The following MBP variants were observed in gnomAD, a reference collection of about 807,000 sequenced individuals.
The protein encoded by MBP is myelin basic protein, also known as Golli-MBP.
MBP carries 16 observed loss-of-function variants against 35.8 expected under a neutral mutation model. The ratio of observed to expected loss-of-function variants is 0.45; its 90% CI spans 0.30 to 0.68. The LOEUF (loss-of-function observed/expected upper bound fraction) is 0.68. MBP is among the 30% of genes least tolerant of loss of function. The pLI is 0.08. For missense variants in MBP, 380 were observed against 404.7 expected, an observed-to-expected ratio of 0.94 and a Z score of 0.52; for synonymous variants, 143 against 159.6, an observed-to-expected ratio of 0.90 and a Z score of 0.78.
At chr18:76,991,484 C>G (rs895061406) in intron 4 of MBP, among the ~76,000 whole-genome samples, 2 of 152,160 alleles carry the variant, frequency 1.3e-5, no homozygotes, top group African/African-American at 4.8e-5. Context: ...ATTGTCTGCT[C>G]GGCTCTCAGC....
At chr18:77,091,659 C>CACACATGCGTGAACACACATGT (rs1975529988) in intron 2 of MBP, among the ~76,000 whole-genome samples, 2 of 151,616 alleles carry the variant, frequency 1.3e-5, no homozygotes, top group African/African-American at 4.8e-5. Context: ...AACACACATG[C>CACACATGCGTGAACACACATGT]ACACATGCGT....
intron 2 of MBP, among the ~76,000 whole-genome samples, chr18:77,066,983 G>A (rs1032873465): frequency 6.6e-6 from 1 of 152,248 alleles, no homozygotes; most frequent in Non-Finnish European, 1.5e-5. Flanking sequence ...CCCTTTGCCT[G>A]TCGTTTGGGG....
chr18:77,009,848 C>T (rs944854491), intron 4 of MBP: 25 of 1,583,480 alleles, frequency 1.6e-5, no homozygotes, highest in Non-Finnish European at 1.9e-5. Context: ...CGGCGTCTTA[C>T]CTTGTACATG....
intron 3 of MBP, among the ~76,000 whole-genome samples, chr18:77,025,290 G>A (rs758767805): frequency 3.3e-5 from 5 of 152,124 alleles, no homozygotes; most frequent in African/African-American, 7.2e-5. Context: ...GATGGCTGAC[G>A]CATCTGTGGC....
chr18:76,989,054 C>T lies in MBP; in HGVS notation c.682-142G>A. ...GGTGCCCAGCCTCCCCACTTCTGTC[C>T]TAGTTGGTGAAGAAGTATAGACCTG... On this transcript the variant is annotated intron_variant, in intron 5 of 8. Coordinates refer to ENST00000355994, the MANE Select transcript of MBP (RefSeq NM_001025101.2). The surrounding 1 kb of genome is among the most constrained non-coding windows in gnomAD (Gnocchi z 4.0). The T allele has an allele frequency of 1.3e-6, 1 of 785,036 alleles. No individual in the cohort carries two copies. Among genetic ancestry groups the T allele is most frequent in the East Asian group, 2.4e-5 (1 of 41,076 alleles). The allele number at this position is 785,036 out of a possible 1,614,324, so 48.6% of individuals were successfully genotyped here. A position where few individuals can be genotyped will look rare whatever the true frequency, so the allele number is the denominator to read the frequency against.
At chr18:77,009,943 A>C in intron 4 of MBP, 1 of 1,563,686 alleles carries the variant, frequency 6.4e-7, no homozygotes, top group Non-Finnish European at 8.7e-7. Context: ...GGGGACACAG[A>C]GTGGGCTGCG....
At chr18:76,990,663 G>A (rs1350642611) in intron 4 of MBP, among the ~76,000 whole-genome samples, 1 of 152,190 alleles carries the variant, frequency 6.6e-6, no homozygotes. Context: ...GTTCAGTCAA[G>A]GAGAGTGTCT....
intron 4 of MBP, among the ~76,000 whole-genome samples, chr18:76,992,989 G>A (rs1289146657): frequency 6.6e-6 from 1 of 152,166 alleles, no homozygotes; most frequent in Non-Finnish European, 1.5e-5. Context: ...ACCTCCGCAG[G>A]GCCCAGGGCA....
At chr18:77,007,525 C>T (rs960515956) in intron 4 of MBP, among the ~76,000 whole-genome samples, 1 of 152,226 alleles carries the variant, frequency 6.6e-6, no homozygotes, top group Non-Finnish European at 1.5e-5. Context: ...GGAGGGTTCT[C>T]TGTCCATTAA....
chr18:77,092,294 G>A (rs1789084), intron 2 of MBP, among the ~76,000 whole-genome samples: 62,567 of 151,834 alleles, frequency 0.41, 14,607 homozygotes, highest in African/African-American at 0.64. Flanking sequence ...CCCTCCCTCT[G>A]TCCCTCGCGG....
chr18:77,105,186 T>C (rs1415184995), intron 2 of MBP, 25 bp downstream of exon 2: 5 of 1,610,880 alleles, frequency 3.1e-6, no homozygotes. Context: ...AACATGCACA[T>C]GTTTCGGATC....
At chr18:77,099,000 TC>T (rs1393128796) in intron 2 of MBP, among the ~76,000 whole-genome samples, 4 of 140,374 alleles carry the variant, frequency 2.8e-5, no homozygotes, top group African/African-American at 1.1e-4. Flanking sequence ...CTCTCCATCC[TC>T]CCCGTCATCC....
intron 1 of MBP, among the ~76,000 whole-genome samples, chr18:77,120,272 C>T (rs1393330111): frequency 6.6e-6 from 1 of 152,234 alleles, no homozygotes; most frequent in African/African-American, 2.4e-5. Flanking sequence ...ATCTGGTCAG[C>T]CCTCGCGGCA....
chr18:77,118,645 ACCAC>A (rs1976781007), intron 1 of MBP, among the ~76,000 whole-genome samples: 1 of 113,024 alleles, frequency 8.8e-6, no homozygotes, highest in East Asian at 3.7e-4. Flanking sequence ...CACACTACAC[ACCAC>A]ACACACACAC....
chr18:77,028,001 TA>T (rs1474480791), intron 3 of MBP, among the ~76,000 whole-genome samples: 12 of 150,868 alleles, frequency 8.0e-5, no homozygotes, highest in African/African-American at 2.7e-4. Context: ...TTTATTTATT[TA>T]TTTTTTTATT....
intron 2 of MBP, among the ~76,000 whole-genome samples, chr18:77,078,108 C>T (rs1275158809): frequency 6.6e-6 from 1 of 152,214 alleles, no homozygotes; most frequent in African/African-American, 2.4e-5. Flanking sequence ...GTGGAAGATG[C>T]ATTTTCATGG....
At chr18:77,097,742 C>T (rs906262218) in intron 2 of MBP, among the ~76,000 whole-genome samples, 1 of 152,058 alleles carries the variant, frequency 6.6e-6, no homozygotes, top group African/African-American at 2.4e-5. Context: ...AATCGCTCTG[C>T]GAGTTACATT....
intron 2 of MBP, among the ~76,000 whole-genome samples, chr18:77,104,107 G>C (rs1976159956): frequency 6.6e-6 from 1 of 152,256 alleles, no homozygotes; most frequent in Non-Finnish European, 1.5e-5. Flanking sequence ...AGAAGGGCTG[G>C]AGCCAGAGGC....
At chr18:77,089,022 A>C (rs941269116) in intron 2 of MBP, among the ~76,000 whole-genome samples, 6 of 152,346 alleles carry the variant, frequency 3.9e-5, no homozygotes, top group South Asian at 2.1e-4. Context: ...AGTGGTGCTC[A>C]CCTTGCATCA....
Sources: allele counts gnomAD v4.1 joint callset (sites outside exome capture counted in the v4.1 genomes callset), GRCh38; gene constraint gnomAD v4.1.1; non-coding constraint Gnocchi (gnomAD v3.1); transcripts MANE v1.5; gene names NCBI Gene and HGNC (gene_info 2026-07-23, HGNC 2026-07-21).